Variants in RAB5A observed in about 807,000 individuals in gnomAD.
The protein encoded by RAB5A is RAB5A, member RAS oncogene family.
RAB5A carries 8 observed loss-of-function variants against 25.7 expected under a neutral mutation model. The ratio of observed to expected loss-of-function variants is 0.31; its 90% CI spans 0.18 to 0.56. RAB5A has a LOEUF of 0.56. Among genes scored for constraint, RAB5A ranks in the 20% least tolerant of loss-of-function variants. RAB5A has a pLI of 0.91. For synonymous variants in RAB5A, 98 were observed against 89.8 expected, an observed-to-expected ratio of 1.09 and a Z score of -0.52; for missense variants, 192 against 259.7, an observed-to-expected ratio of 0.74 and a Z score of 1.79.
At chr3:19,963,539 T>C (rs1226951331) in intron 2 of RAB5A, among the ~76,000 whole-genome samples, 1 of 152,202 alleles carries the variant, frequency 6.6e-6, no homozygotes, top group African/African-American at 2.4e-5. Context: ...TAGATAATTA[T>C]ATCCTAGGAT....
intron 5 of RAB5A, among the ~76,000 whole-genome samples, chr3:19,979,720 C>A (rs543138589): frequency 4.3e-4 from 65 of 151,586 alleles, no homozygotes; most frequent in Non-Finnish European, 8.0e-4. Context: ...TTTTTTAACC[C>A]TTTCCTCTTT....
intron 2 of RAB5A, among the ~76,000 whole-genome samples, chr3:19,956,453 C>CA (rs1016995171): frequency 5.9e-5 from 9 of 151,546 alleles, no homozygotes; most frequent in South Asian, 2.1e-4. Flanking sequence ...GACTCCGTCT[C>CA]AAAAAAAAGG....
intron 2 of RAB5A, among the ~76,000 whole-genome samples, chr3:19,974,314 C>T (rs909110089): frequency 9.2e-5 from 14 of 151,968 alleles, no homozygotes; most frequent in South Asian, 8.3e-4. Flanking sequence ...GCCACCATGT[C>T]GAGCTAATTT....
At chr3:19,974,660 C>G (rs185786753) in intron 2 of RAB5A, among the ~76,000 whole-genome samples, 2 of 147,604 alleles carry the variant, frequency 1.4e-5, no homozygotes, top group Non-Finnish European at 3.0e-5. Flanking sequence ...TGGCTCACGC[C>G]TATAATCTCA....
chr3:19,978,595 A>G (rs928221571), intron 5 of RAB5A, 192 bp downstream of exon 5: 15 of 501,128 alleles, frequency 3.0e-5, no homozygotes, highest in Non-Finnish European at 5.0e-5. Flanking sequence ...TTTGTTGGTA[A>G]TATTGTTAAA....
At chr3:19,975,236 A>G (rs927448157) in intron 2 of RAB5A, among the ~76,000 whole-genome samples, 4 of 151,758 alleles carry the variant, frequency 2.6e-5, no homozygotes, top group Admixed American at 1.3e-4. Flanking sequence ...AAAAAAGAAG[A>G]AGGAAAAGAA....
At chr3:19,977,737 C>T (rs1209397965) in intron 4 of RAB5A, among the ~76,000 whole-genome samples, 1 of 152,000 alleles carries the variant, frequency 6.6e-6, no homozygotes, top group African/African-American at 2.4e-5. Context: ...ATTGGTTACC[C>T]CTCACAACAG....
At chr3:19,948,507 A>G (rs371044720) in intron 1 of RAB5A, among the ~76,000 whole-genome samples, 2 of 152,364 alleles carry the variant, frequency 1.3e-5, no homozygotes, top group South Asian at 2.1e-4. Context: ...TAGAATGAAT[A>G]ACAGTTATTT....
intron 1 of RAB5A, among the ~76,000 whole-genome samples, chr3:19,948,913 G>T (rs541966571): frequency 6.6e-6 from 1 of 152,232 alleles, no homozygotes; most frequent in East Asian, 1.9e-4. Flanking sequence ...TGCATTTTCA[G>T]TATATATGAT....
intron 1 of RAB5A, chr3:19,947,832 C>G (rs1375324304): frequency 3.3e-5 from 5 of 152,618 alleles, no homozygotes; most frequent in African/African-American, 1.2e-4. Context: ...GGTCTCCGTC[C>G]TGGCAGTCCT....
At chr3:19,973,368 C>T (rs1696778633) in intron 2 of RAB5A, among the ~76,000 whole-genome samples, 1 of 144,422 alleles carries the variant, frequency 6.9e-6, no homozygotes. Context: ...ACAGTCTGTG[C>T]ACATTTTAAT....
At position 19,975,685 on chromosome 3, in the gene RAB5A, A is replaced by G. The variant is rs1452938110; in HGVS notation, c.248A>G (p.His83Arg). The part of the protein sequence containing the change: ...IWDTAGQERY[H>R]SLAPMYYRGA... Reference sequence around the variant, plus strand: ...GATACAGCTGGTCAAGAACGATACCATAGCCTAGCACCAATGTACTACAGA... The same window carrying G: ...GATACAGCTGGTCAAGAACGATACCGTAGCCTAGCACCAATGTACTACAGA... Residue 83 changes from histidine (H) to arginine (R), a missense_variant, in exon 3 of 6, where the codon CAT becomes CGT. By Grantham distance (29) the His-to-Arg change is conservative. This residue lies in a region of RAB5A where 39 missense variants were observed against 91.6 expected (regional missense o/e 0.43). Transcript: ENST00000273047. The G allele has an allele frequency of 6.2e-7, 1 of 1,613,886 alleles. No homozygotes were observed. Among genetic ancestry groups the G allele is most frequent in the South Asian group, 1.1e-5 (1 of 91,078 alleles).
chr3:19,967,821 C>T (rs1696682318), intron 2 of RAB5A, among the ~76,000 whole-genome samples: 1 of 152,126 alleles, frequency 6.6e-6, no homozygotes, highest in Non-Finnish European at 1.5e-5. Context: ...TAACTCTTCC[C>T]TAACTACACT....
chr3:19,972,609 A>G (rs1007323828), intron 2 of RAB5A, among the ~76,000 whole-genome samples: 2 of 152,314 alleles, frequency 1.3e-5, no homozygotes, highest in African/African-American at 4.8e-5. Context: ...TGCCATAAGG[A>G]AGAATCTCGT....
chr3:19,965,778 G>A (rs1696652914), intron 2 of RAB5A, among the ~76,000 whole-genome samples: 1 of 151,928 alleles, frequency 6.6e-6, no homozygotes, highest in Admixed American at 6.6e-5. Context: ...GATGGGGACG[G>A]GATGACAGGG....
In RAB5A at chr3:19,960,862, AGTT is replaced by A. The variant is rs1276631276; in HGVS notation, c.163+9806_163+9808del. Among the ~76,000 whole-genome samples, 4 of 152,314 alleles carry A rather than the reference AGTT, an allele frequency of 2.6e-5. No individual in the cohort carries two copies. In the East Asian group the frequency reaches 7.7e-4, roughly 29 times the overall value. ...TTAAGCCTTAAGTGTTCGCAGTAGT[AGTT>A]GTTGGATATTCTTTGGGCCCCAAAG... On this transcript the variant is annotated intron_variant, in intron 2 of 5. Coordinates refer to ENST00000273047, the MANE Select transcript of RAB5A (RefSeq NM_004162.5).
At chr3:19,947,840 C>G (rs915322702) in intron 1 of RAB5A, 2 of 152,790 alleles carry the variant, frequency 1.3e-5, no homozygotes, top group African/African-American at 2.4e-5. Context: ...TCCTGGCAGT[C>G]CTGGGGGTCT....
chr3:19,956,107 G>A (rs1020701583), intron 2 of RAB5A, among the ~76,000 whole-genome samples: 1 of 152,166 alleles, frequency 6.6e-6, no homozygotes, highest in African/African-American at 2.4e-5. Context: ...TCAGTCATCT[G>A]TACCACTGCT....
In RAB5A at chr3:19,959,383, A is replaced by T. The variant is rs111257552; in HGVS notation, c.163+8322A>T. ...ATTAAAGGTTTTTAAAAGTGATATT[A>T]TATGCCACTTTTTAAAAATTAAGCC... On this transcript the variant is annotated intron_variant, in intron 2 of 5. Coordinates refer to ENST00000273047, the MANE Select transcript of RAB5A (RefSeq NM_004162.5). 8.4e-3 allele frequency among the ~76,000 whole-genome samples: 1,284 copies of T among 152,134 alleles called. 10 individuals are homozygous for T. The highest frequency in any genetic ancestry group is 0.014 in the Non-Finnish European group (929 of 67,998).
Sources: allele counts gnomAD v4.1 joint callset (sites outside exome capture counted in the v4.1 genomes callset), GRCh38; gene constraint gnomAD v4.1.1; regional missense constraint gnomAD v4.1.1; transcripts MANE v1.5; gene names NCBI Gene and HGNC (gene_info 2026-07-23, HGNC 2026-07-21).